ERO1A: variants seen among roughly 807,000 people sequenced by gnomAD.
ERO1A encodes the protein ERO1-like protein alpha.
A neutral mutation model predicts 76.9 loss-of-function variants in ERO1A; 49 were observed. That is an observed-to-expected ratio of 0.64 (90% CI 0.51 to 0.81). The LOEUF (loss-of-function observed/expected upper bound fraction) is 0.81, where lower values mean the gene tolerates loss of function less well. Among genes scored for constraint, ERO1A ranks in the 30% least tolerant of loss-of-function variants. The pLI, the probability that ERO1A is intolerant of heterozygous loss-of-function variation, is 0.00. For synonymous variants in ERO1A, 174 were observed against 181.2 expected (o/e 0.96, Z 0.32); for missense variants, 448 against 542.1 (o/e 0.83, Z 1.72).
intron 8 of ERO1A, among the ~76,000 whole-genome samples, chr14:52,662,153 T>G (rs2040253630): frequency 6.6e-6 from 1 of 152,182 alleles, no homozygotes; most frequent in Admixed American, 6.5e-5. Context: ...CATAAGTCAT[T>G]TAACCAGTTC....
intron 6 of ERO1A, 131 bp downstream of exon 6, chr14:52,671,499 A>G (rs1025856037): frequency 6.8e-6 from 4 of 584,738 alleles, no homozygotes; most frequent in African/African-American, 3.8e-5. Context: ...GGCTCCAGTG[A>G]TTCTCCTGCC....
intron 9 of ERO1A, among the ~76,000 whole-genome samples, chr14:52,660,607 C>A (rs2040200313): frequency 6.6e-6 from 1 of 150,828 alleles, no homozygotes; most frequent in African/African-American, 2.5e-5. Flanking sequence ...CTTTAGTATT[C>A]TGTTATTTAG....
Position 52,666,404 on chromosome 14 carries a change from C to T in ERO1A, c.600G>A (p.Trp200Ter). The T allele has an allele frequency of 6.2e-7, 1 of 1,607,968 alleles. No homozygotes were observed. Among genetic ancestry groups the T allele is most frequent in the Non-Finnish European group, 8.5e-7 (1 of 1,177,732 alleles). Residue 200 changes from tryptophan to a stop codon, truncating the protein, a stop_gained, in exon 7 of 16, where the codon TGG (tryptophan) becomes TGA (stop). Coordinates refer to ENST00000395686, the MANE Select transcript of ERO1A (RefSeq NM_014584.3). LOFTEE classifies it high-confidence loss of function. ...AACAGTTTTCTTCGTAGATGACATT[C>T]CATATTTTCCAAGCATCTGGTCCCT... ...GYKGPDAWKI[W>*]NVIYEENCFK...
chr14:52,684,007 G>A (rs2041088199), intron 1 of ERO1A, 100 bp from the exon 2 acceptor site: 2 of 785,762 alleles, frequency 2.5e-6, no homozygotes, highest in East Asian at 5.4e-5. Context: ...TACTCAACCA[G>A]TCCTTATCCT....
rs2039540949 is a variant in ERO1A at position 52,643,443 on chromosome 14, C to A, written c.*127G>T. The A allele has an allele frequency of 1.8e-6, 1 of 564,304 alleles. No homozygotes were observed. Among genetic ancestry groups the A allele is most frequent in the Non-Finnish European group, 3.0e-6 (1 of 331,682 alleles). 35.0% of individuals were successfully genotyped at this position (564,304 alleles called of 1,614,324 possible). ...TGTGTTTACTTAAAACAATATAATT[C>A]TCCTTTACAAAAGCAACTTTATATA... On this transcript the variant is annotated 3_prime_UTR_variant, in exon 16 of 16. Coordinates refer to ENST00000395686, the MANE Select transcript of ERO1A (RefSeq NM_014584.3).
intron 11 of ERO1A, among the ~76,000 whole-genome samples, chr14:52,654,568 G>T (rs889703084): frequency 6.6e-6 from 1 of 152,138 alleles, no homozygotes. Flanking sequence ...CACAGTACTT[G>T]CTGTGTAACG....
intron 13 of ERO1A, chr14:52,646,977 T>C (rs1480981159): frequency 9.0e-6 from 1 of 111,674 alleles, no homozygotes; most frequent in African/African-American, 3.5e-5. Flanking sequence ...TGGTTTCTTT[T>C]TTTTTTTTTT....
At chr14:52,654,182 T>C (rs2139652442) in intron 11 of ERO1A, among the ~76,000 whole-genome samples, 1 of 152,266 alleles carries the variant, frequency 6.6e-6, no homozygotes. Context: ...TTTCTGTTTT[T>C]CTTTGCCTGG....
intron 13 of ERO1A, among the ~76,000 whole-genome samples, chr14:52,651,000 G>A (rs2039843911): frequency 1.3e-5 from 2 of 151,996 alleles, no homozygotes; most frequent in Non-Finnish European, 2.9e-5. Context: ...GGGGTGCAAT[G>A]GCTCACGCCT....
intron 1 of ERO1A, among the ~76,000 whole-genome samples, chr14:52,688,115 G>A (rs2041237399): frequency 6.6e-6 from 1 of 152,072 alleles, no homozygotes; most frequent in South Asian, 2.1e-4. Flanking sequence ...GAGCCAGGGA[G>A]GTTGAGGCTG....
chr14:52,674,790 A>G (rs1278298352), intron 4 of ERO1A, among the ~76,000 whole-genome samples: 2 of 152,230 alleles, frequency 1.3e-5, no homozygotes, highest in Non-Finnish European at 2.9e-5. Context: ...CTATCTCTTA[A>G]TAGAAGCCTA....
chr14:52,668,984 G>GA lies in ERO1A; in HGVS notation c.509-2490dup, dbSNP rs547232298. On this transcript the variant is annotated intron_variant, in intron 6 of 15. Coordinates refer to ENST00000395686, the MANE Select transcript of ERO1A (RefSeq NM_014584.3). ...TTAAGAGCCCATTTGGCCCTTATAG[G>GA]AAAATGCCAATATCCAGCCCTAGAA... 2.6e-3 allele frequency among the ~76,000 whole-genome samples: 399 copies of GA among 152,020 alleles called. 2 individuals carry two copies. The highest frequency in any genetic ancestry group is 9.3e-3 in the African/African-American group (384 of 41,490).
Position 52,646,455 on chromosome 14 carries a change from A to C in ERO1A, c.1132T>G (p.Phe378Val). The change falls in exon 14 of 16, where the codon TTT becomes GTT. Residue 378 changes from phenylalanine to valine, a missense_variant. This residue lies in a region of ERO1A where 302 missense variants were observed against 411.9 expected (regional missense o/e 0.73). Transcript: ENST00000395686. ...GAAATATTTCTAAAATGCAGTCGAA[A>C]GTCCTCCTGAAAACAATTTAACAAG... ...KKEAHKLKED[F>V]RLHFRNISRI... is the part of the protein sequence containing the mutation. The C allele has an allele frequency of 6.2e-7, 1 of 1,606,324 alleles. No homozygotes were observed.
intron 1 of ERO1A, 66 bp downstream of exon 1, chr14:52,695,302 G>A: frequency 9.2e-7 from 1 of 1,089,362 alleles, no homozygotes; most frequent in Non-Finnish European, 1.2e-6. Context: ...ACCCGCCAGG[G>A]CGTGCGGGAC....
At chr14:52,666,728 C>G (rs916148672) in intron 6 of ERO1A, among the ~76,000 whole-genome samples, 1 of 152,114 alleles carries the variant, frequency 6.6e-6, no homozygotes, top group Non-Finnish European at 1.5e-5. Flanking sequence ...GTCAGGAGTT[C>G]GAATCCAGCC....
rs143863096 is a variant in ERO1A at position 52,690,657 on chromosome 14, C to T, written c.114+4711G>A. ...CAGAGTTTGCAGTGAGCCAAGATCA[C>T]GCCACTGCACTCCAGCCTGAGTGAC... On this transcript the variant is annotated intron_variant, in intron 1 of 15. Transcript: ENST00000395686. Among the ~76,000 whole-genome samples, 727 of 152,072 alleles carry T rather than the reference C, an allele frequency of 4.8e-3. 1 individual carries two copies. Among genetic ancestry groups the T allele is most frequent in the Non-Finnish European group, 7.3e-3 (499 of 67,990 alleles).
intron 1 of ERO1A, among the ~76,000 whole-genome samples, chr14:52,687,436 A>C (rs1281732557): frequency 6.6e-6 from 1 of 152,206 alleles, no homozygotes. Flanking sequence ...GTCTCAAAAA[A>C]CAAAAAAGAA....
At chr14:52,682,776 G>A (rs774530052) in intron 2 of ERO1A, among the ~76,000 whole-genome samples, 23 of 152,200 alleles carry the variant, frequency 1.5e-4, no homozygotes, top group African/African-American at 5.3e-4. Context: ...GCAGGTGCCT[G>A]TAATCCTAGC....
At chr14:52,675,938 C>T (rs1240380332) in intron 4 of ERO1A, among the ~76,000 whole-genome samples, 1 of 152,182 alleles carries the variant, frequency 6.6e-6, no homozygotes, top group Non-Finnish European at 1.5e-5. Flanking sequence ...TCCCACCTCA[C>T]CCTCCCAAAG....
Sources: allele counts gnomAD v4.1 joint callset (sites outside exome capture counted in the v4.1 genomes callset), GRCh38; gene constraint gnomAD v4.1.1; regional missense constraint gnomAD v4.1.1; transcripts MANE v1.5; gene names NCBI Gene and HGNC (gene_info 2026-07-23, HGNC 2026-07-21).